PIK3C2A: variants seen among roughly 807,000 people sequenced by gnomAD.
PIK3C2A encodes phosphatidylinositol 4-phosphate 3-kinase C2 domain-containing subunit alpha.
Under a neutral mutation model 204.5 loss-of-function variants are expected in PIK3C2A, and 97 were observed. That is an observed-to-expected ratio of 0.47 (90% CI 0.40 to 0.56). The LOEUF is 0.56. PIK3C2A is among the 20% of genes least tolerant of loss of function. The pLI is 0.00. For missense variants in PIK3C2A, 1,735 were observed against 1,969.2 expected, an observed-to-expected ratio of 0.88 and a Z score of 2.25; for synonymous variants, 653 against 664.4, an observed-to-expected ratio of 0.98 and a Z score of 0.26.
At chr11:17,111,882 C>CAAAAAAAAAAAAAA (rs201931743) in intron 21 of PIK3C2A, among the ~76,000 whole-genome samples, 1 of 31,406 alleles carries the variant, frequency 3.2e-5, no homozygotes, top group Admixed American at 4.2e-4. Flanking sequence ...GTCTCCAAAA[C>CAAAAAAAAAAAAAA]AAAAAAAAAA....
chr11:17,087,866 C>CAT lies in PIK3C2A; in HGVS notation c.*1870_*1871dup, dbSNP rs1848195825. 1.3e-5 allele frequency: 2 copies of CAT among 152,090 alleles called. No individual in the cohort carries two copies. The highest frequency in any genetic ancestry group is 2.9e-5 in the Non-Finnish European group (2 of 68,014). 9.4% of individuals were successfully genotyped at this position (152,090 alleles called of 1,614,324 possible). ...ACATTTAAAAAAGACATTCATATAC[C>CAT]ATACTCATGGGTTTAACTACATATG... On this transcript the variant is annotated 3_prime_UTR_variant, in exon 33 of 33. Coordinates refer to ENST00000691414, the MANE Select transcript of PIK3C2A (RefSeq NM_002645.4).
chr11:17,156,477 C>A (rs1417950916), intron 2 of PIK3C2A, among the ~76,000 whole-genome samples: 1 of 152,074 alleles, frequency 6.6e-6, no homozygotes, highest in East Asian at 1.9e-4. Context: ...GCTTTGACCT[C>A]CTGAGGTCAG....
intron 21 of PIK3C2A, 94 bp from the exon 22 acceptor site, chr11:17,110,655 G>GCCTC: frequency 3.7e-6 from 4 of 1,079,042 alleles, no homozygotes; most frequent in Non-Finnish European, 2.6e-6. Context: ...ACTTTGGGAG[G>GCCTC]CCAAAGTGGG....
At chr11:17,191,481 C>T (rs1377268314) in intron 1 of PIK3C2A, among the ~76,000 whole-genome samples, 1 of 152,214 alleles carries the variant, frequency 6.6e-6, no homozygotes, top group Non-Finnish European at 1.5e-5. Context: ...CATACTGTCA[C>T]ATACTGATAC....
At chr11:17,112,354 G>A (rs984221552) in intron 21 of PIK3C2A, among the ~76,000 whole-genome samples, 1 of 152,134 alleles carries the variant, frequency 6.6e-6, no homozygotes, top group Non-Finnish European at 1.5e-5. Context: ...TTGGGAGGCT[G>A]AGGCAGGAGA....
intron 1 of PIK3C2A, among the ~76,000 whole-genome samples, chr11:17,196,438 A>G (rs907829821): frequency 2.0e-5 from 3 of 152,256 alleles, no homozygotes; most frequent in Non-Finnish European, 4.4e-5. Context: ...TTGGACTAGG[A>G]TAACAGCAAT....
At chr11:17,091,961 T>G in intron 30 of PIK3C2A, 35 bp downstream of exon 30, 281 of 1,301,598 alleles carry the variant, frequency 2.2e-4, no homozygotes, top group Non-Finnish European at 2.9e-4. Flanking sequence ...TTGCAGATCA[T>G]GAGTTACCAA....
At chr11:17,188,051 T>C (rs1293675007) in intron 1 of PIK3C2A, among the ~76,000 whole-genome samples, 2 of 152,082 alleles carry the variant, frequency 1.3e-5, no homozygotes, top group African/African-American at 4.8e-5. Context: ...AATACGGGGA[T>C]TTTGGGCCAG....
intron 4 of PIK3C2A, 51 bp downstream of exon 4, chr11:17,150,447 C>A: frequency 7.0e-7 from 1 of 1,437,306 alleles, no homozygotes; most frequent in Non-Finnish European, 9.3e-7. Flanking sequence ...ATATTTTAAA[C>A]ATTTCCCCCT....
chr11:17,150,487 C>A lies in PIK3C2A; in HGVS notation c.1327+11G>T. 1 of 1,591,940 alleles carries A rather than the reference C, an allele frequency of 6.3e-7. No individual in the cohort carries two copies. Among genetic ancestry groups the A allele is most frequent in the Non-Finnish European group, 8.5e-7 (1 of 1,170,522 alleles). On this transcript the variant is annotated intron_variant, in intron 4 of 32. Coordinates refer to ENST00000691414, the MANE Select transcript of PIK3C2A (RefSeq NM_002645.4). Reference sequence around the variant, plus strand: ...GAGCAAAACGAGAGGCTTGAGGAACCATAAACCTACCATCACACGTAAAAG... The same window carrying A: ...GAGCAAAACGAGAGGCTTGAGGAACAATAAACCTACCATCACACGTAAAAG...
intron 13 of PIK3C2A, 71 bp from the exon 14 acceptor site, chr11:17,122,884 T>C: frequency 4.4e-6 from 3 of 681,026 alleles, no homozygotes; most frequent in Non-Finnish European, 7.6e-6. Flanking sequence ...ACACATGTAA[T>C]GAATTTGAAA....
At chr11:17,178,181 T>C (rs1432195878) in intron 1 of PIK3C2A, among the ~76,000 whole-genome samples, 4 of 151,738 alleles carry the variant, frequency 2.6e-5, no homozygotes, top group Middle Eastern at 3.4e-3. Context: ...AAAAGACATA[T>C]TTAATCTATC....
chr11:17,181,653 T>TAC (rs1851567201), intron 1 of PIK3C2A, among the ~76,000 whole-genome samples: 2 of 103,102 alleles, frequency 1.9e-5, no homozygotes, highest in South Asian at 3.3e-4. Flanking sequence ...TATATATATA[T>TAC]ATATATACAC....
At chr11:17,094,714 C>CCTT (rs1848404142) in intron 27 of PIK3C2A, among the ~76,000 whole-genome samples, 2 of 151,912 alleles carry the variant, frequency 1.3e-5, no homozygotes, top group South Asian at 4.2e-4. Context: ...GAGCGAGACT[C>CCTT]CATCTCAAAA....
Position 17,160,421 on chromosome 11 carries a change from A to G in PIK3C2A, c.1066-4792T>C, listed in dbSNP as rs190963697. On this transcript the variant is annotated intron_variant, in intron 2 of 32. Coordinates refer to ENST00000691414, the MANE Select transcript of PIK3C2A (RefSeq NM_002645.4). The stretch of plus-strand genomic sequence containing the variant: ...GTAGTCAATTTTTAAAAAATAAGCA[A>G]AAGGGCTAAATGGTGAATATGGTCG... 8.5e-5 allele frequency among the ~76,000 whole-genome samples: 13 copies of G among 152,352 alleles called. 1 individual carries two copies. In the East Asian group the frequency reaches 2.1e-3, roughly 25 times the overall value.
chr11:17,184,288 C>T lies in PIK3C2A; in HGVS notation c.-65-14482G>A, dbSNP rs190893888. The stretch of plus-strand genomic sequence containing the variant: ...GTCCTTCAGGAGGTATTTCAGAAGA[C>T]GGCATTGTTATCCTAGGAGATGACA... On this transcript the variant is annotated intron_variant, in intron 1 of 32. Coordinates refer to ENST00000691414, the MANE Select transcript of PIK3C2A (RefSeq NM_002645.4). Among the ~76,000 whole-genome samples the T allele has an allele frequency of 8.6e-5, 13 of 150,998 alleles. No homozygotes were observed. The East Asian group carries it at 1.4e-3, about 16-fold the overall frequency.
rs1848315517 is a variant in PIK3C2A, at chr11:17,091,700, G to C, written c.4643-44C>G. 4 of 1,253,310 alleles carry C rather than the reference G, an allele frequency of 3.2e-6. No homozygotes were observed. The East Asian group carries it at 9.4e-5, about 29-fold the overall frequency. 77.6% of individuals were successfully genotyped at this position (1,253,310 alleles called of 1,614,324 possible). ...TCATCTTTATTTACTGGTTGTAGTG[G>C]TTCAAGCTGCAATAAAAGGATTTTG... On this transcript the variant is annotated intron_variant, in intron 30 of 32. Coordinates refer to ENST00000691414, the MANE Select transcript of PIK3C2A (RefSeq NM_002645.4).
chr11:17,200,184 TCA>T (rs755665368), intron 1 of PIK3C2A, among the ~76,000 whole-genome samples: 64 of 150,206 alleles, frequency 4.3e-4, no homozygotes, highest in Admixed American at 4.0e-4. Context: ...AGACTGCATT[TCA>T]AAAAAAAAAA....
At chr11:17,190,132 G>A (rs1251606745) in intron 1 of PIK3C2A, among the ~76,000 whole-genome samples, 6 of 151,888 alleles carry the variant, frequency 4.0e-5, no homozygotes, top group South Asian at 4.2e-4. Flanking sequence ...GCATAGTGAC[G>A]CGTGCCTGTA....
Sources: allele counts gnomAD v4.1 joint callset (sites outside exome capture counted in the v4.1 genomes callset), GRCh38; gene constraint gnomAD v4.1.1; transcripts MANE v1.5; gene names NCBI Gene and HGNC (gene_info 2026-07-23, HGNC 2026-07-21).